Variants in ZNF831 observed in about 807,000 individuals in gnomAD.
The protein encoded by ZNF831 is chromosome 20 open reading frame 174.
A neutral mutation model predicts 95.8 loss-of-function variants in ZNF831; 59 were observed. That is an observed-to-expected ratio of 0.62 (90% CI 0.50 to 0.77). The LOEUF is 0.77. ZNF831 is among the 30% of genes least tolerant of loss of function. The probability of loss-of-function intolerance (pLI) is 0.00; values close to 1 mark genes in which losing one functional copy is unlikely to be tolerated. For synonymous variants in ZNF831, 961 were observed against 925.5 expected, an observed-to-expected ratio of 1.04 and a Z score of -0.70; for missense variants, 2,205 against 2,164.0, an observed-to-expected ratio of 1.02 and a Z score of -0.38.
rs1317032265 is a variant in ZNF831, at chr20:59,169,750, A to T, written c.-37+5543A>T. The stretch of plus-strand genomic sequence containing the variant: ...CCCTATCTCTACTAAAAATACAAAA[A>T]TTAGCCGGGCATGATGGCAGACACC... On this transcript the variant is annotated intron_variant, in intron 1 of 5. Coordinates refer to ENST00000371030, the MANE Select transcript of ZNF831 (RefSeq NM_178457.3). The surrounding 1 kb of genome is among the most constrained non-coding windows in gnomAD (Gnocchi z 4.1). Among the ~76,000 whole-genome samples the T allele has an allele frequency of 6.6e-6, 1 of 152,074 alleles. No homozygotes were observed. The highest frequency in any genetic ancestry group is 1.5e-5 in the Non-Finnish European group (1 of 68,008).
At chr20:59,134,604 A>G (rs1007381416) in intron 1 of ZNF831, among the ~76,000 whole-genome samples, 1 of 152,190 alleles carries the variant, frequency 6.6e-6, no homozygotes, top group Non-Finnish European at 1.5e-5. Flanking sequence ...CGGTCCCACC[A>G]TGGGCCAAGC....
At chr20:59,222,222 G>GGCTGGGCTGA (rs921139928) in intron 4 of ZNF831, among the ~76,000 whole-genome samples, 1 of 152,216 alleles carries the variant, frequency 6.6e-6, no homozygotes, top group Non-Finnish European at 1.5e-5. Flanking sequence ...TCGCCCCACG[G>GGCTGGGCTGA]GCTGGGCTGA....
chr20:59,136,268 T>G (rs1274367239), intron 1 of ZNF831, among the ~76,000 whole-genome samples: 1 of 152,202 alleles, frequency 6.6e-6, no homozygotes, highest in Non-Finnish European at 1.5e-5. Flanking sequence ...TTGCCCTGCC[T>G]TTCTCTTCTG....
At chr20:59,197,658 A>G (rs1322413432) in intron 3 of ZNF831, among the ~76,000 whole-genome samples, 1 of 152,118 alleles carries the variant, frequency 6.6e-6, no homozygotes, top group Non-Finnish European at 1.5e-5. Flanking sequence ...TGGATCACTC[A>G]GGGTCCTGAG....
chr20:59,171,526 G>T (rs754259243), intron 1 of ZNF831, among the ~76,000 whole-genome samples: 3 of 152,220 alleles, frequency 2.0e-5, no homozygotes, highest in African/African-American at 7.2e-5. Flanking sequence ...GTTCTCACTT[G>T]TTCGAAATGA....
chr20:59,129,103 G>A (rs1601288433), intron 1 of ZNF831, among the ~76,000 whole-genome samples: 2 of 152,194 alleles, frequency 1.3e-5, no homozygotes, highest in South Asian at 2.1e-4. Flanking sequence ...AGTTACAAAC[G>A]TGGTGCAGAG....
At chr20:59,210,321 G>A (rs879781629) in intron 4 of ZNF831, among the ~76,000 whole-genome samples, 1 of 152,234 alleles carries the variant, frequency 6.6e-6, no homozygotes, top group Non-Finnish European at 1.5e-5. Context: ...TGATAGCTAT[G>A]GGGCCCACTG....
chr20:59,134,259 C>A (rs1979437741), intron 1 of ZNF831, among the ~76,000 whole-genome samples: 1 of 152,184 alleles, frequency 6.6e-6, no homozygotes, highest in Non-Finnish European at 1.5e-5. Context: ...AACCCAGGCC[C>A]AAAGCAGTCC....
intron 2 of ZNF831, among the ~76,000 whole-genome samples, chr20:59,152,026 C>T (rs1980276228): frequency 6.6e-6 from 1 of 152,202 alleles, no homozygotes; most frequent in Admixed American, 6.5e-5. Context: ...TATCAACCTC[C>T]TTTCCTCATC....
In ZNF831 at chr20:59,245,642, C is replaced by T. The variant is rs569211495; in HGVS notation, c.4028-7336C>T. Among the ~76,000 whole-genome samples, 58 of 152,324 alleles carry T rather than the reference C, an allele frequency of 3.8e-4. 1 individual carries two copies. The highest frequency in any genetic ancestry group is 1.3e-3 in the African/African-American group (54 of 41,574). ...ATTTCTCCAGACATCACCCTTGCTT[C>T]GGAACCACTGGTTTTTAACAAACCC... On this transcript the variant is annotated intron_variant, in intron 4 of 5. Coordinates refer to ENST00000371030, the MANE Select transcript of ZNF831 (RefSeq NM_178457.3).
intron 1 of ZNF831, among the ~76,000 whole-genome samples, chr20:59,143,156 C>T (rs1173549736): frequency 1.3e-5 from 2 of 152,212 alleles, no homozygotes; most frequent in African/African-American, 4.8e-5. Flanking sequence ...ACCTTGGCCT[C>T]CCAAAGTGCT....
Position 59,217,749 on chromosome 20 carries a change from A to G in ZNF831, c.4027+10693A>G, listed in dbSNP as rs1326395408. ...GCATTCTCTAGTAGAAAAAAAGAAC[A>G]TGGAGGGACGATAAGACTCGTTTAT... On this transcript the variant is annotated intron_variant, in intron 4 of 5. Transcript: ENST00000371030. The surrounding 1 kb of genome is among the most constrained non-coding windows in gnomAD (Gnocchi z 4.4). Among the ~76,000 whole-genome samples, 1 of 152,190 alleles carries G rather than the reference A, an allele frequency of 6.6e-6. No individual in the cohort carries two copies. Among genetic ancestry groups the G allele is most frequent in the African/African-American group, 2.4e-5 (1 of 41,440 alleles).
chr20:59,246,952 C>G (rs888849538), intron 4 of ZNF831, among the ~76,000 whole-genome samples: 8 of 152,300 alleles, frequency 5.3e-5, no homozygotes, highest in Admixed American at 5.2e-4. Context: ...GCATTGACAT[C>G]CAACGTCTCC....
At chr20:59,136,570 G>T (rs967250010) in intron 1 of ZNF831, among the ~76,000 whole-genome samples, 6 of 152,112 alleles carry the variant, frequency 3.9e-5, no homozygotes, top group Admixed American at 1.3e-4. Flanking sequence ...GTTTAAACCT[G>T]CCATGATCCT....
chr20:59,131,845 G>A (rs1252982438), intron 1 of ZNF831, among the ~76,000 whole-genome samples: 4 of 152,236 alleles, frequency 2.6e-5, no homozygotes, highest in Non-Finnish European at 4.4e-5. Context: ...GGTCTTTAGA[G>A]TGCTGGCATT....
rs1250498082 is a variant in ZNF831 at position 59,191,519 on chromosome 20, C to T, written c.500C>T (p.Thr167Met). The change falls in exon 2 of 6, where the codon ACG becomes ATG. Residue 167 changes from threonine to methionine, a missense_variant. By Grantham distance (81) the Thr-to-Met change is moderately conservative. Transcript: ENST00000371030. ...SVLEKHIRSH[T>M]GERPFPCATC... The stretch of plus-strand genomic sequence containing the variant: ...CTAGAGAAGCACATCCGGTCCCACA[C>T]GGGTGAGAGGCCCTTCCCGTGTGCC... The T allele has an allele frequency of 1.9e-6, 3 of 1,613,154 alleles. No individual in the cohort carries two copies. Among genetic ancestry groups the T allele is most frequent in the Non-Finnish European group, 2.5e-6 (3 of 1,180,006 alleles).
At chr20:59,239,736 C>T (rs899817316) in intron 4 of ZNF831, among the ~76,000 whole-genome samples, 2 of 151,958 alleles carry the variant, frequency 1.3e-5, no homozygotes, top group African/African-American at 2.4e-5. Context: ...GTAGAGACAG[C>T]GTTTCACCAT....
At chr20:59,221,379 G>A (rs553621799) in intron 4 of ZNF831, among the ~76,000 whole-genome samples, 21 of 152,240 alleles carry the variant, frequency 1.4e-4, no homozygotes, top group African/African-American at 2.6e-4. Flanking sequence ...AATCCTCCAA[G>A]CTCCAACTCG....
chr20:59,210,116 G>T (rs190895378), intron 4 of ZNF831, among the ~76,000 whole-genome samples: 145 of 152,268 alleles, frequency 9.5e-4, no homozygotes, highest in African/African-American at 3.4e-3. Flanking sequence ...AACAAAAAAG[G>T]CAGGGACACA....
Sources: gnomAD v4.1 joint callset for allele counts (sites outside exome capture counted in the v4.1 genomes callset) on GRCh38, gnomAD v4.1.1 for gene constraint, Gnocchi (gnomAD v3.1) non-coding constraint, MANE v1.5 for transcripts, NCBI Gene and HGNC (gene_info 2026-07-23, HGNC 2026-07-21) for gene names.